Variants in HAPLN1 observed in about 807,000 individuals in gnomAD.
The protein encoded by HAPLN1 is hyaluronan and proteoglycan link protein 1, also known as Cartilage link protein.
Under a neutral mutation model 36.5 loss-of-function variants are expected in HAPLN1, and 13 were observed. The observed-to-expected ratio is 0.36, with a 90% CI of 0.23 to 0.57. The LOEUF (loss-of-function observed/expected upper bound fraction) is 0.57. Ranked by LOEUF, HAPLN1 falls within the 20% of genes least tolerant of loss-of-function variation. The probability of loss-of-function intolerance (pLI) is 0.83; values close to 1 mark genes in which losing one functional copy is unlikely to be tolerated. For synonymous variants in HAPLN1, 202 were observed against 169.8 expected, an observed-to-expected ratio of 1.19 and a Z score of -1.48; for missense variants, 407 against 439.7, an observed-to-expected ratio of 0.93 and a Z score of 0.66.
At chr5:83,708,797 T>G (rs888554418) in intron 1 of HAPLN1, among the ~76,000 whole-genome samples, 10 of 151,672 alleles carry the variant, frequency 6.6e-5, no homozygotes, top group Non-Finnish European at 1.5e-4. Context: ...ATATTTACAC[T>G]TTGAAACAGC....
intron 1 of HAPLN1, among the ~76,000 whole-genome samples, chr5:83,702,701 T>C (rs1275244856): frequency 6.6e-6 from 1 of 152,030 alleles, no homozygotes; most frequent in East Asian, 1.9e-4. Context: ...CTTTTGTTTC[T>C]GGAAGCTTTC....
In HAPLN1 at chr5:83,641,557, A is replaced by G; in HGVS notation, c.1004T>C (p.Val335Ala). ...CTTATGCTTTTTATCTGGGAAACCC[A>G]CGAAGCGCACTGCAGCCTCAGTAGG... ...CSPTEAAVRFVGFPDKKHKLY... is the reference protein window; with the variant it reads ...CSPTEAAVRFAGFPDKKHKLY... The change falls in exon 5 of 5, where the codon GTG becomes GCG. Residue 335 changes from valine to alanine, a missense_variant. Transcript: ENST00000274341. 6.2e-7 allele frequency: 1 copy of G among 1,614,174 alleles called. No homozygotes were observed. Among genetic ancestry groups the G allele is most frequent in the South Asian group, 1.1e-5 (1 of 91,080 alleles).
At chr5:83,685,913 A>C (rs1434030184) in intron 1 of HAPLN1, 1 of 152,198 alleles carries the variant, frequency 6.6e-6, no homozygotes, top group African/African-American at 2.4e-5. Flanking sequence ...GTACTCTGAT[A>C]GAAAAGGACC....
At chr5:83,670,247 C>T (rs1192401784) in intron 2 of HAPLN1, among the ~76,000 whole-genome samples, 1 of 152,110 alleles carries the variant, frequency 6.6e-6, no homozygotes, top group Non-Finnish European at 1.5e-5. Flanking sequence ...TAAAACTCTT[C>T]CTAATGGTCT....
chr5:83,682,848 C>T (rs1407216089), intron 1 of HAPLN1, among the ~76,000 whole-genome samples: 2 of 151,990 alleles, frequency 1.3e-5, no homozygotes, highest in African/African-American at 4.8e-5. Context: ...TTATAATGAT[C>T]TTTGAAGGTG....
At chr5:83,704,469 T>A (rs1345961766) in intron 1 of HAPLN1, among the ~76,000 whole-genome samples, 7 of 151,902 alleles carry the variant, frequency 4.6e-5, no homozygotes, top group Non-Finnish European at 8.8e-5. Flanking sequence ...CAAACTAGAT[T>A]AAAAAGCAAG....
intron 3 of HAPLN1, among the ~76,000 whole-genome samples, chr5:83,651,440 T>G (rs997485128): frequency 2.6e-5 from 4 of 152,212 alleles, no homozygotes; most frequent in Non-Finnish European, 5.9e-5. Flanking sequence ...AAAAGTGGCA[T>G]GTACTCAGGG....
chr5:83,704,953 A>AT (rs1302322651), intron 1 of HAPLN1, among the ~76,000 whole-genome samples: 4 of 152,170 alleles, frequency 2.6e-5, no homozygotes, highest in Non-Finnish European at 5.9e-5. Flanking sequence ...CAGAATATAC[A>AT]TTTTTTTCTC....
chr5:83,675,391 G>C (rs1327878879), intron 1 of HAPLN1: 1 of 152,054 alleles, frequency 6.6e-6, no homozygotes, highest in Non-Finnish European at 1.5e-5. Flanking sequence ...AAACACAGGA[G>C]ACATTCTAGA....
At chr5:83,663,153 G>C (rs566617012) in intron 2 of HAPLN1, among the ~76,000 whole-genome samples, 12 of 152,294 alleles carry the variant, frequency 7.9e-5, no homozygotes, top group Non-Finnish European at 1.3e-4. Context: ...CACAGGCCCC[G>C]TTCTAAACAG....
rs1347376223 is a variant in HAPLN1, at chr5:83,652,842, A to T, written c.101-18T>A. 2 of 1,541,504 alleles carry T rather than the reference A, an allele frequency of 1.3e-6. No homozygotes were observed. The highest frequency in any genetic ancestry group is 1.7e-6 in the Non-Finnish European group (2 of 1,146,754). On this transcript the variant is annotated intron_variant, in intron 2 of 4. Coordinates refer to ENST00000274341, the MANE Select transcript of HAPLN1 (RefSeq NM_001884.4). ...ATTTTCTGCTATAATTAAAAAGGAAAAAAAAAAGAAAATAACTATTAATAT... is the reference window on the plus strand; with the variant it reads ...ATTTTCTGCTATAATTAAAAAGGAATAAAAAAAGAAAATAACTATTAATAT...
intron 1 of HAPLN1, among the ~76,000 whole-genome samples, chr5:83,706,575 A>G (rs1751658092): frequency 6.6e-6 from 1 of 152,184 alleles, no homozygotes; most frequent in Non-Finnish European, 1.5e-5. Flanking sequence ...TTGAGGGAAC[A>G]TACCTCAAAA....
rs753357240 is a variant in HAPLN1 at position 83,673,489 on chromosome 5, A to G, written c.35T>C (p.Ile12Thr). ...KSLLLLVLIS[I>T]CWADHLSDNY... ...GTCTGAAAGATGATCAGCCCAGCAG[A>G]TTGAAATCAGCACCAGAAGAAGTAG... is the stretch of plus-strand genomic sequence containing the variant. The change falls in exon 2 of 5, where the codon ATC (isoleucine) becomes ACC (threonine). Residue 12 changes from isoleucine to threonine, a missense_variant. Physicochemically the swap from Ile to Thr is moderately conservative, Grantham distance 89 (BLOSUM62 -1). Coordinates refer to ENST00000274341, the MANE Select transcript of HAPLN1 (RefSeq NM_001884.4). 5 of 1,613,744 alleles carry G rather than the reference A, an allele frequency of 3.1e-6. No individual in the cohort carries two copies. The highest frequency in any genetic ancestry group is 2.5e-6 in the Non-Finnish European group (3 of 1,179,840).
At chr5:83,695,791 C>A (rs1751379713) in intron 1 of HAPLN1, among the ~76,000 whole-genome samples, 1 of 151,570 alleles carries the variant, frequency 6.6e-6, no homozygotes, top group African/African-American at 2.4e-5. Flanking sequence ...TAAAGGGCAT[C>A]TATGTTCAAC....
chr5:83,643,273 C>T (rs1366187929), intron 4 of HAPLN1, among the ~76,000 whole-genome samples: 1 of 150,810 alleles, frequency 6.6e-6, no homozygotes, highest in African/African-American at 2.4e-5. Context: ...ATTTGGGAAC[C>T]AGGGAGGTGG....
intron 1 of HAPLN1, among the ~76,000 whole-genome samples, chr5:83,713,911 T>C (rs1181078873): frequency 6.6e-6 from 1 of 152,218 alleles, no homozygotes; most frequent in African/African-American, 2.4e-5. Context: ...CAATTAATTT[T>C]ATTTACATGA....
intron 1 of HAPLN1, among the ~76,000 whole-genome samples, chr5:83,697,373 T>C (rs1751412461): frequency 6.6e-6 from 1 of 152,200 alleles, no homozygotes. Flanking sequence ...CAGTACTTCA[T>C]TCTTTTTATG....
chr5:83,693,113 A>G (rs982537122), intron 1 of HAPLN1, among the ~76,000 whole-genome samples: 1 of 151,902 alleles, frequency 6.6e-6, no homozygotes, highest in Admixed American at 6.6e-5. Context: ...ATACTGTCAT[A>G]AAAGTTATAT....
intron 4 of HAPLN1, among the ~76,000 whole-genome samples, chr5:83,643,504 C>T (rs1373194491): frequency 6.6e-6 from 1 of 152,188 alleles, no homozygotes; most frequent in East Asian, 1.9e-4. Context: ...CACAGGGCCC[C>T]ACACGGAGAA....
Sources: allele counts gnomAD v4.1 joint callset (sites outside exome capture counted in the v4.1 genomes callset), GRCh38; gene constraint gnomAD v4.1.1; transcripts MANE v1.5; gene names NCBI Gene and HGNC (gene_info 2026-07-23, HGNC 2026-07-21).